CDH12: variants seen among roughly 807,000 people sequenced by gnomAD.
CDH12 encodes the protein cadherin 12, also known as cadherin-12.
CDH12 carries 41 observed loss-of-function variants against 74.1 expected under a neutral mutation model. The ratio of observed to expected loss-of-function variants is 0.55; its 90% confidence interval spans 0.43 to 0.72. CDH12 has a LOEUF of 0.72. Among genes scored for constraint, CDH12 ranks in the 30% least tolerant of loss-of-function variants. The pLI is 0.00. For missense variants in CDH12, 945 were observed against 977.2 expected (o/e 0.97, Z 0.44); for synonymous variants, 399 against 355.0 (o/e 1.12, Z -1.39).
At chr5:22,659,672 T>C (rs6888927) in intron 1 of CDH12, among the ~76,000 whole-genome samples, 103,694 of 151,890 alleles carry the variant, frequency 0.68, 35,568 homozygotes, top group Admixed American at 0.74. Context: ...ATCATAGTTT[T>C]TTTCTCTCTC....
At chr5:21,974,091 T>C (rs1756965055) in intron 6 of CDH12, among the ~76,000 whole-genome samples, 1 of 152,194 alleles carries the variant, frequency 6.6e-6, no homozygotes, top group Non-Finnish European at 1.5e-5. Context: ...CTCCTACAGC[T>C]ACTAACCTGC....
At chr5:21,918,227 C>G (rs1163994258) in intron 6 of CDH12, among the ~76,000 whole-genome samples, 1 of 152,088 alleles carries the variant, frequency 6.6e-6, no homozygotes, top group Non-Finnish European at 1.5e-5. Context: ...TTAATCACAG[C>G]ACACTGAAAA....
chr5:22,384,711 T>C (rs1741927453), intron 3 of CDH12, among the ~76,000 whole-genome samples: 1 of 152,102 alleles, frequency 6.6e-6, no homozygotes, highest in African/African-American at 2.4e-5. Flanking sequence ...TGTATTAGTA[T>C]AGATGTGTAT....
chr5:22,769,891 A>T (rs1746719192), intron 1 of CDH12, among the ~76,000 whole-genome samples: 1 of 152,150 alleles, frequency 6.6e-6, no homozygotes, highest in Admixed American at 6.6e-5. Context: ...AATTAGGCTT[A>T]TATATAATCC....
intron 1 of CDH12, among the ~76,000 whole-genome samples, chr5:22,722,595 G>A (rs1743956922): frequency 6.6e-6 from 1 of 152,170 alleles, no homozygotes. Flanking sequence ...ACAAGTTCAA[G>A]TGATATAGAT....
chr5:22,598,530 C>T (rs538072491), intron 1 of CDH12, among the ~76,000 whole-genome samples: 1 of 152,270 alleles, frequency 6.6e-6, no homozygotes, highest in South Asian at 2.1e-4. Context: ...GTCAATTAAA[C>T]CTCTTTCCTT....
At chr5:22,173,279 T>G (rs2150330400) in intron 4 of CDH12, among the ~76,000 whole-genome samples, 1 of 146,918 alleles carries the variant, frequency 6.8e-6, no homozygotes, top group African/African-American at 2.5e-5. Flanking sequence ...TTTATAATTA[T>G]ATAATTTATG....
At chr5:21,883,495 C>A in intron 6 of CDH12, 1 of 1,612,898 alleles carries the variant, frequency 6.2e-7, no homozygotes, top group Non-Finnish European at 8.5e-7. Flanking sequence ...GCAGTCAAGG[C>A]TCCAGGGTTT....
Position 21,842,255 on chromosome 5 carries a change from C to T in CDH12, c.720G>A (p.Lys240=). 1.2e-6 allele frequency: 2 copies of T among 1,613,332 alleles called. No individual in the cohort carries two copies. The highest frequency in any genetic ancestry group is 4.5e-5 in the East Asian group (2 of 44,838). ...ATCCTCCAAGCTGTCCTCCCATATC[C>T]TTGGCTTGGATGAGTACTTGATATT... ...KEQYQVLIQA[K]DMGGQLGGLA... Residue 240 remains lysine, a synonymous_variant, in exon 8 of 15, where the codon AAG becomes AAA. Transcript: ENST00000382254.
chr5:22,502,278 G>A (rs1418456217), intron 2 of CDH12, among the ~76,000 whole-genome samples: 2 of 151,894 alleles, frequency 1.3e-5, no homozygotes, highest in South Asian at 2.1e-4. Flanking sequence ...TTTTATAAAG[G>A]GATATTCCCC....
At chr5:22,393,843 T>A (rs531695320) in intron 3 of CDH12, among the ~76,000 whole-genome samples, 19 of 152,152 alleles carry the variant, frequency 1.2e-4, no homozygotes, top group Non-Finnish European at 2.6e-4. Context: ...GGAAAGTTAA[T>A]CCTTGTAGTG....
At chr5:22,469,549 T>G (rs1308546291) in intron 2 of CDH12, among the ~76,000 whole-genome samples, 2 of 152,058 alleles carry the variant, frequency 1.3e-5, no homozygotes, top group East Asian at 3.9e-4. Flanking sequence ...CTATTTTAAC[T>G]TGACTCCTTT....
intron 6 of CDH12, among the ~76,000 whole-genome samples, chr5:21,959,521 G>A (rs1177669749): frequency 6.6e-6 from 1 of 152,066 alleles, no homozygotes; most frequent in Non-Finnish European, 1.5e-5. Context: ...TAAAGGAATG[G>A]AGGAAAATCT....
chr5:22,246,371 T>C (rs1267124738), intron 3 of CDH12, among the ~76,000 whole-genome samples: 1 of 152,114 alleles, frequency 6.6e-6, no homozygotes, highest in Non-Finnish European at 1.5e-5. Flanking sequence ...CTGGATAACA[T>C]ATAAGTCACA....
At position 21,787,318 on chromosome 5, in the gene CDH12, A is replaced by G. The variant is rs191280678; in HGVS notation, c.1257-3824T>C. ...CCAACCTTCAACAACCACCACCCCA[A>G]TTAGTCAGTAGCCATCCAGTTCAAG... On this transcript the variant is annotated intron_variant, in intron 10 of 14. Coordinates refer to ENST00000382254, the MANE Select transcript of CDH12 (RefSeq NM_004061.5). Among the ~76,000 whole-genome samples the G allele has an allele frequency of 1.4e-4, 22 of 152,274 alleles. 1 individual carries two copies. The highest frequency in any genetic ancestry group is 4.8e-4 in the African/African-American group (20 of 41,582).
intron 1 of CDH12, among the ~76,000 whole-genome samples, chr5:22,513,957 A>G (rs1448439165): frequency 6.6e-6 from 1 of 151,626 alleles, no homozygotes; most frequent in Non-Finnish European, 1.5e-5. Flanking sequence ...TCAGGAAAAA[A>G]AAAAAAAAAA....
At chr5:21,982,913 T>C (rs1757371397) in intron 5 of CDH12, among the ~76,000 whole-genome samples, 1 of 151,336 alleles carries the variant, frequency 6.6e-6, no homozygotes, top group Admixed American at 6.6e-5. Context: ...GTTTTATTTA[T>C]GTATTTTTTT....
At chr5:21,875,413 G>A (rs1410983187) in intron 6 of CDH12, among the ~76,000 whole-genome samples, 1 of 152,138 alleles carries the variant, frequency 6.6e-6, no homozygotes, top group Non-Finnish European at 1.5e-5. Flanking sequence ...TCAAAATGAT[G>A]GTTTAAATTC....
intron 4 of CDH12, among the ~76,000 whole-genome samples, chr5:22,193,061 T>C (rs147822918): frequency 6.6e-6 from 1 of 152,212 alleles, no homozygotes; most frequent in Non-Finnish European, 1.5e-5. Flanking sequence ...ACACTCAGGT[T>C]ACAAACATAC....
Sources: gnomAD v4.1 joint callset for allele counts (sites outside exome capture counted in the v4.1 genomes callset) on GRCh38, gnomAD v4.1.1 for gene constraint, MANE v1.5 for transcripts, NCBI Gene and HGNC (gene_info 2026-07-23, HGNC 2026-07-21) for gene names.